The following TRHDE variants were observed in gnomAD, a reference collection of about 807,000 sequenced individuals.
The protein encoded by TRHDE is thyrotropin-releasing hormone-degrading ectoenzyme.
A neutral mutation model predicts 125.7 loss-of-function variants in TRHDE; 72 were observed. The observed-to-expected ratio is 0.57, with a 90% confidence interval of 0.47 to 0.70. TRHDE has a LOEUF of 0.70. TRHDE is among the 30% of genes least tolerant of loss of function. TRHDE has a pLI of 0.00. For synonymous variants in TRHDE, 509 were observed against 509.1 expected, an observed-to-expected ratio of 1.00 and a Z score of 0.00; for missense variants, 1,110 against 1,327.1, an observed-to-expected ratio of 0.84 and a Z score of 2.54.
intron 3 of TRHDE, among the ~76,000 whole-genome samples, chr12:72,466,692 G>A (rs1257844133): frequency 6.6e-6 from 1 of 151,834 alleles, no homozygotes; most frequent in Admixed American, 6.6e-5. Flanking sequence ...TCACCTTAGG[G>A]CCTTTGCATT....
intron 2 of TRHDE, among the ~76,000 whole-genome samples, chr12:72,361,754 T>C (rs1219332934): frequency 7.7e-6 from 1 of 129,302 alleles, no homozygotes; most frequent in African/African-American, 2.9e-5. Context: ...GATGTTCCCC[T>C]TCCTGTGTCC....
chr12:72,431,104 C>T (rs1020354737), intron 3 of TRHDE, among the ~76,000 whole-genome samples: 3 of 152,020 alleles, frequency 2.0e-5, no homozygotes, highest in Non-Finnish European at 4.4e-5. Context: ...GCATATTGAA[C>T]TTATAGCTAG....
At chr12:72,564,809 A>AG (rs35504750) in intron 9 of TRHDE, among the ~76,000 whole-genome samples, 40,060 of 150,820 alleles carry the variant, frequency 0.27, 8,049 homozygotes, top group African/African-American at 0.54. Context: ...CTGGGACTAA[A>AG]GGGCCCGCCG....
chr12:72,125,549 A>C (rs1272910031), intron 2 of TRHDE, among the ~76,000 whole-genome samples: 1 of 151,682 alleles, frequency 6.6e-6, no homozygotes, highest in African/African-American at 2.4e-5. Context: ...TCCAACATAC[A>C]CTCCTATGTA....
chr12:72,641,258 A>G (rs1874048272), intron 15 of TRHDE, among the ~76,000 whole-genome samples: 3 of 152,210 alleles, frequency 2.0e-5, no homozygotes, highest in African/African-American at 7.2e-5. Flanking sequence ...ATCTCTACAT[A>G]TTATTCAACA....
chr12:72,582,271 T>A, intron 12 of TRHDE: 1 of 983,960 alleles, frequency 1.0e-6, no homozygotes, highest in Non-Finnish European at 1.2e-6. Context: ...TTCAGCATAA[T>A]AGCCACTGAA....
At chr12:72,540,579 A>T (rs1361416583) in intron 6 of TRHDE, among the ~76,000 whole-genome samples, 1 of 151,714 alleles carries the variant, frequency 6.6e-6, no homozygotes, top group African/African-American at 2.4e-5. Context: ...ACTAAGTCTC[A>T]ATTCCCAGTT....
intron 3 of TRHDE, among the ~76,000 whole-genome samples, chr12:72,391,731 T>G (rs1872618150): frequency 6.6e-6 from 1 of 152,158 alleles, no homozygotes; most frequent in African/African-American, 2.4e-5. Flanking sequence ...CAATTTTTAT[T>G]AGTATTAATA....
intron 15 of TRHDE, among the ~76,000 whole-genome samples, chr12:72,624,134 T>G (rs1040020175): frequency 5.9e-5 from 9 of 151,942 alleles, no homozygotes; most frequent in Non-Finnish European, 1.3e-4. Flanking sequence ...TAGGTGTGTG[T>G]GAAGATCAGA....
At chr12:72,156,837 A>G (rs942078678) in intron 2 of TRHDE, among the ~76,000 whole-genome samples, 1 of 152,188 alleles carries the variant, frequency 6.6e-6, no homozygotes, top group African/African-American at 2.4e-5. Flanking sequence ...AGTATAGGGA[A>G]TGCTAGGATT....
chr12:72,624,781 G>A (rs181706100), intron 15 of TRHDE, among the ~76,000 whole-genome samples: 1 of 152,002 alleles, frequency 6.6e-6, no homozygotes, highest in Admixed American at 6.6e-5. Context: ...GGTCTTGTTA[G>A]GCTGCAATTT....
chr12:72,585,974 G>T (rs141310341), intron 12 of TRHDE, among the ~76,000 whole-genome samples: 1 of 152,044 alleles, frequency 6.6e-6, no homozygotes, highest in African/African-American at 2.4e-5. Context: ...GTCTCATTAC[G>T]ATCTTTTCCC....
intron 2 of TRHDE, among the ~76,000 whole-genome samples, chr12:72,161,303 C>G (rs1376863714): frequency 1.3e-5 from 2 of 152,030 alleles, no homozygotes; most frequent in African/African-American, 4.8e-5. Context: ...CGTGGTGGCA[C>G]TCGCCTGTAG....
chr12:72,272,423 A>T lies in TRHDE; in HGVS notation c.-221A>T. 1 of 446,802 alleles carries T rather than the reference A, an allele frequency of 2.2e-6. No individual in the cohort carries two copies. The highest frequency in any genetic ancestry group is 4.2e-6 in the Non-Finnish European group (1 of 239,932). The allele number at this position is 446,802 out of a possible 1,614,324, so 27.7% of individuals were successfully genotyped here. On this transcript the variant is annotated 5_prime_UTR_variant, in exon 1 of 19. Coordinates refer to ENST00000261180, the MANE Select transcript of TRHDE (RefSeq NM_013381.3). This position sits in a 1 kb window ranked among gnomAD's most constrained non-coding sequence, Gnocchi z 6.7. ...ACGCTTTCCAAGTTGGGCGCGTCCC[A>T]GAGCTCACAGCCCGGTGTCCAGAGT... is the stretch of plus-strand genomic sequence containing the variant.
At chr12:72,469,172 A>T (rs1876525167) in intron 3 of TRHDE, among the ~76,000 whole-genome samples, 1 of 152,304 alleles carries the variant, frequency 6.6e-6, no homozygotes, top group Admixed American at 6.5e-5. Flanking sequence ...ACAGAGCCAG[A>T]CCAGAGCCTG....
intron 2 of TRHDE, among the ~76,000 whole-genome samples, chr12:72,129,380 T>A (rs1248682124): frequency 6.6e-6 from 1 of 152,168 alleles, no homozygotes; most frequent in African/African-American, 2.4e-5. Context: ...ATTGTGTAGA[T>A]GCCTTAAACT....
At chr12:72,163,847 C>T (rs1030278472) in intron 2 of TRHDE, among the ~76,000 whole-genome samples, 1 of 152,322 alleles carries the variant, frequency 6.6e-6, no homozygotes, top group Admixed American at 6.5e-5. Context: ...CGCGGTGGCT[C>T]ATCCCTGTAA....
At chr12:72,107,522 A>G (rs1348020500) in intron 2 of TRHDE, among the ~76,000 whole-genome samples, 1 of 152,126 alleles carries the variant, frequency 6.6e-6, no homozygotes, top group Non-Finnish European at 1.5e-5. Flanking sequence ...GATTGGATGT[A>G]GGTAATTAGG....
intron 10 of TRHDE, among the ~76,000 whole-genome samples, chr12:72,569,025 C>T (rs1870593498): frequency 6.6e-6 from 1 of 151,786 alleles, no homozygotes; most frequent in African/African-American, 2.4e-5. Flanking sequence ...TTACACTTTC[C>T]TATCTTCTCT....
Sources: gnomAD v4.1 joint callset for allele counts (sites outside exome capture counted in the v4.1 genomes callset) on GRCh38, gnomAD v4.1.1 for gene constraint, Gnocchi (gnomAD v3.1) non-coding constraint, MANE v1.5 for transcripts, NCBI Gene and HGNC (gene_info 2026-07-23, HGNC 2026-07-21) for gene names.